The following XKR6 variants were observed in gnomAD, a reference collection of about 807,000 sequenced individuals.
The protein encoded by XKR6 is XK-related protein 6.
Under a neutral mutation model 56.7 loss-of-function variants are expected in XKR6, and 22 were observed. That is an observed-to-expected ratio of 0.39 (90% CI 0.28 to 0.55). XKR6 has a LOEUF of 0.55. Among genes scored for constraint, XKR6 ranks in the 20% least tolerant of loss-of-function variants. The probability of loss-of-function intolerance (pLI) is 0.66; values close to 1 mark genes in which losing one functional copy is unlikely to be tolerated. For missense variants in XKR6, 852 were observed against 889.0 expected (o/e 0.96, Z 0.53); for synonymous variants, 524 against 387.8 (o/e 1.35, Z -4.13).
chr8:10,922,609 A>C (rs1404063706), intron 2 of XKR6, among the ~76,000 whole-genome samples: 13 of 152,228 alleles, frequency 8.5e-5, no homozygotes, highest in Admixed American at 8.5e-4. Context: ...CATGTTGTCC[A>C]TGCTCACACC....
At chr8:11,082,896 G>C (rs1360634927) in intron 1 of XKR6, among the ~76,000 whole-genome samples, 1 of 152,224 alleles carries the variant, frequency 6.6e-6, no homozygotes, top group Non-Finnish European at 1.5e-5. Context: ...GTGGCCTCAA[G>C]TATTTCTATT....
intron 1 of XKR6, among the ~76,000 whole-genome samples, chr8:10,961,002 C>G (rs75202384): frequency 6.6e-6 from 1 of 152,086 alleles, no homozygotes; most frequent in Non-Finnish European, 1.5e-5. Flanking sequence ...GTCCTGAACA[C>G]TGAGTGAGGA....
At chr8:11,002,352 A>T (rs770641508) in intron 1 of XKR6, 1 of 272,882 alleles carries the variant, frequency 3.7e-6, no homozygotes, top group Non-Finnish European at 8.0e-6. Flanking sequence ...AGGCTGGACC[A>T]TGACCTTTGC....
chr8:11,080,457 G>C (rs1027429149), intron 1 of XKR6, among the ~76,000 whole-genome samples: 1 of 152,194 alleles, frequency 6.6e-6, no homozygotes, highest in African/African-American at 2.4e-5. Context: ...GCTCATTGTA[G>C]AAATTTAACT....
At chr8:10,993,493 C>T (rs572752073) in intron 1 of XKR6, among the ~76,000 whole-genome samples, 6 of 152,366 alleles carry the variant, frequency 3.9e-5, no homozygotes, top group Non-Finnish European at 8.8e-5. Flanking sequence ...GCAGGCTGAA[C>T]ACTGAGCGGG....
chr8:10,989,795 C>T (rs1383831569), intron 1 of XKR6, among the ~76,000 whole-genome samples: 3 of 152,180 alleles, frequency 2.0e-5, no homozygotes, highest in African/African-American at 7.2e-5. Context: ...CTGTCTGGGT[C>T]ACAGACTATT....
chr8:11,121,373 C>A (rs947641017), intron 1 of XKR6, among the ~76,000 whole-genome samples: 1 of 152,074 alleles, frequency 6.6e-6, no homozygotes, highest in Non-Finnish European at 1.5e-5. Context: ...AAAAAGTGAG[C>A]GAAGGATATG....
chr8:11,071,605 AGCCCCGAGTCCATGG>A (rs1800123393), intron 1 of XKR6, among the ~76,000 whole-genome samples: 2 of 143,828 alleles, frequency 1.4e-5, no homozygotes, highest in Non-Finnish European at 3.0e-5. Flanking sequence ...CGAGTCTATC[AGCCCCGAGTCCATGG>A]GCCCCGAGTC....
At chr8:11,128,610 A>G (rs1799946015) in intron 1 of XKR6, among the ~76,000 whole-genome samples, 1 of 152,220 alleles carries the variant, frequency 6.6e-6, no homozygotes, top group Non-Finnish European at 1.5e-5. Flanking sequence ...TACCACCTAG[A>G]GTACCCGCAG....
chr8:10,909,926 G>T (rs530761953), intron 2 of XKR6, among the ~76,000 whole-genome samples: 185 of 152,024 alleles, frequency 1.2e-3, no homozygotes, highest in African/African-American at 4.4e-3. Flanking sequence ...AAAAGAATTT[G>T]CCTAAGCTTA....
intron 1 of XKR6, among the ~76,000 whole-genome samples, chr8:11,133,246 G>C (rs891183573): frequency 2.6e-5 from 4 of 152,084 alleles, no homozygotes; most frequent in Non-Finnish European, 2.9e-5. Context: ...TAACCAGCTA[G>C]AATCACAGGT....
intron 2 of XKR6, among the ~76,000 whole-genome samples, chr8:10,903,217 T>C (rs1800091536): frequency 6.6e-6 from 1 of 152,202 alleles, no homozygotes; most frequent in Non-Finnish European, 1.5e-5. Flanking sequence ...TGTTCATGGC[T>C]CAGCCACTTC....
chr8:11,178,556 ATATATATATATATATATG>A lies in XKR6; in HGVS notation c.764+22002_764+22019del, dbSNP rs1563197825. Among the ~76,000 whole-genome samples the A allele has an allele frequency of 5.3e-3, 687 of 130,780 alleles. 11 individuals carry two copies. The highest frequency in any genetic ancestry group is 0.025 in the South Asian group (101 of 4,074). 85.8% of individuals were successfully genotyped at this position (130,780 alleles called of 152,430 possible). ...ACATCTGAGAGGTAAAAATATATAT[ATATATATATATATATATG>A]TATATATATATGTACTACACACACA... is the stretch of plus-strand genomic sequence containing the variant. On this transcript the variant is annotated intron_variant, in intron 1 of 2. Transcript: ENST00000416569.
chr8:11,024,900 C>T (rs930680063), intron 1 of XKR6, among the ~76,000 whole-genome samples: 2 of 152,234 alleles, frequency 1.3e-5, no homozygotes, highest in East Asian at 1.9e-4. Flanking sequence ...CAAGTTGAGA[C>T]AGCACCTGTG....
chr8:11,091,317 A>C (rs1197911490), intron 1 of XKR6, among the ~76,000 whole-genome samples: 4 of 152,122 alleles, frequency 2.6e-5, no homozygotes, highest in Non-Finnish European at 5.9e-5. Context: ...GCATGCCCAC[A>C]GTCCCAGCTA....
intron 1 of XKR6, among the ~76,000 whole-genome samples, chr8:10,959,552 G>C (rs1286213700): frequency 1.3e-5 from 2 of 152,158 alleles, no homozygotes; most frequent in African/African-American, 4.8e-5. Flanking sequence ...CCTTCTTGCT[G>C]TGTCCTCACG....
chr8:11,090,828 G>T (rs1204340004), intron 1 of XKR6, among the ~76,000 whole-genome samples: 1 of 152,068 alleles, frequency 6.6e-6, no homozygotes, highest in Non-Finnish European at 1.5e-5. Context: ...ACCATCTGGG[G>T]CTTATCTTTT....
chr8:11,123,189 A>G (rs1799541848), intron 1 of XKR6, among the ~76,000 whole-genome samples: 1 of 147,094 alleles, frequency 6.8e-6, no homozygotes, highest in African/African-American at 2.5e-5. Flanking sequence ...GTGAGCCGAG[A>G]TTGTGCCACT....
At chr8:11,196,943 CT>C (rs1803922868) in intron 1 of XKR6, among the ~76,000 whole-genome samples, 1 of 151,736 alleles carries the variant, frequency 6.6e-6, no homozygotes, top group Non-Finnish European at 1.5e-5. Context: ...AATAAAGCAT[CT>C]TCACCAGCCC....
Sources: gnomAD v4.1 joint callset for allele counts (sites outside exome capture counted in the v4.1 genomes callset) on GRCh38, gnomAD v4.1.1 for gene constraint, MANE v1.5 for transcripts, NCBI Gene and HGNC (gene_info 2026-07-23, HGNC 2026-07-21) for gene names.